Variants in ZNF629 observed in about 807,000 individuals in gnomAD.
The protein encoded by ZNF629 is zinc finger protein 629, also known as DNA-binding protein.
A neutral mutation model predicts 59.7 loss-of-function variants in ZNF629; 9 were observed. The observed-to-expected ratio is 0.15, with a 90% CI of 0.09 to 0.26. The LOEUF (loss-of-function observed/expected upper bound fraction) is 0.26. ZNF629 is among the 10% of genes least tolerant of loss of function. ZNF629 has a pLI of 1.00. For synonymous variants in ZNF629, 509 were observed against 498.9 expected (o/e 1.02, Z -0.27); for missense variants, 853 against 1,165.4 (o/e 0.73, Z 3.90).
rs745708391 is a variant in ZNF629 at position 30,782,819 on chromosome 16, G to C, written c.1509C>G (p.Thr503=). Residue 503 remains threonine (T), a synonymous_variant, in exon 3 of 3, where the codon ACC becomes ACG. Coordinates refer to ENST00000262525, the MANE Select transcript of ZNF629 (RefSeq NM_001080417.3). ...TCTCGTCCATGTGCGTGCGGACGTGGGTAATAAGGTTGGAGCTCTGGCTGA... is the reference window on the plus strand; with the variant it reads ...TCTCGTCCATGTGCGTGCGGACGTGCGTAATAAGGTTGGAGCTCTGGCTGA... ...KSFSQSSNLI[T]HVRTHMDENL... The C allele has an allele frequency of 1.2e-6, 2 of 1,613,960 alleles. No individual in the cohort carries two copies. The highest frequency in any genetic ancestry group is 2.7e-5 in the African/African-American group (2 of 74,916).
Position 30,782,229 on chromosome 16 carries a change from C to G in ZNF629, c.2099G>C (p.Gly700Ala), listed in dbSNP as rs757409086. 8 of 1,613,576 alleles carry G rather than the reference C, an allele frequency of 5.0e-6. No individual in the cohort carries two copies. The South Asian group carries it at 5.5e-5, about 11-fold the overall frequency. The change falls in exon 3 of 3, where the codon GGG becomes GCG. Residue 700 changes from glycine (G) to alanine (A), a missense_variant. Coordinates refer to ENST00000262525, the MANE Select transcript of ZNF629 (RefSeq NM_001080417.3). ...GAAGGGGCTGGGCCCTGCGCCTTCC[C>G]CTAGGCCAATTCTATAATCAGGAAA... is the stretch of plus-strand genomic sequence containing the variant. ...FLFPDYRIGL[G>A]EGAGPSPFLS...
In ZNF629 at chr16:30,781,661, G is replaced by A. The variant is rs542955264; in HGVS notation, c.*57C>T. 85 of 1,459,138 alleles carry A rather than the reference G, an allele frequency of 5.8e-5. 1 individual carries two copies. In the African/African-American group the frequency reaches 1.1e-3, roughly 18 times the overall value. 90.4% of individuals were successfully genotyped at this position (1,459,138 alleles called of 1,614,324 possible). On this transcript the variant is annotated 3_prime_UTR_variant, in exon 3 of 3. Coordinates refer to ENST00000262525, the MANE Select transcript of ZNF629 (RefSeq NM_001080417.3). Reference sequence around the variant, plus strand: ...CCTTCCCCATGTAATTTTTTTGGGGGAAAAAATCCAGTGTTCCTCTCTGGA... The same window carrying A: ...CCTTCCCCATGTAATTTTTTTGGGGAAAAAAATCCAGTGTTCCTCTCTGGA...
chr16:30,782,387 C>A lies in ZNF629; in HGVS notation c.1941G>T (p.Gln647His). The A allele has an allele frequency of 6.3e-7, 1 of 1,576,942 alleles. No individual in the cohort carries two copies. The highest frequency in any genetic ancestry group is 8.6e-7 in the Non-Finnish European group (1 of 1,161,302). The change falls in exon 3 of 3, where the codon CAG becomes CAT. Residue 647 changes from glutamine to histidine, a missense_variant. Physicochemically the swap from Gln to His is conservative, Grantham distance 24 (BLOSUM62 0). This residue lies in a region of ZNF629 where 420 missense variants were observed against 435.6 expected (regional missense o/e 0.96). Coordinates refer to ENST00000262525, the MANE Select transcript of ZNF629 (RefSeq NM_001080417.3). Reference protein sequence around the residue: ...PGQPLKPPEGQEGFSQRRGLL... With the variant: ...PGQPLKPPEGHEGFSQRRGLL... ...GCCCCCGCCTCTGGCTGAAGCCCTC[C>A]TGACCCTCCGGCGGCTTAAGGGGCT...
chr16:30,782,422 C>G lies in ZNF629; in HGVS notation c.1906G>C (p.Ala636Pro), dbSNP rs368493135. The G allele has an allele frequency of 1.3e-6, 2 of 1,566,214 alleles. No individual in the cohort carries two copies. The highest frequency in any genetic ancestry group is 2.4e-5 in the East Asian group (1 of 42,016). Reference protein sequence around the residue: ...YPGAAEGRAEAPGQPLKPPEG... With the variant: ...YPGAAEGRAEPPGQPLKPPEG... ...GGCGGCTTAAGGGGCTGTCCGGGGGCCTCCGCTCTGCCCTCCGCAGCCCCG... is the reference window on the plus strand; with the variant it reads ...GGCGGCTTAAGGGGCTGTCCGGGGGGCTCCGCTCTGCCCTCCGCAGCCCCG... Residue 636 changes from alanine to proline, a missense_variant, in exon 3 of 3, where the codon GCC becomes CCC. Physicochemically the swap from Ala to Pro is conservative, Grantham distance 27 (BLOSUM62 -1). Around this residue, in one of 3 missense-constraint regions of ZNF629, gnomAD observed 420 missense variants for 435.6 expected, o/e 0.96. Coordinates refer to ENST00000262525, the MANE Select transcript of ZNF629 (RefSeq NM_001080417.3).
chr16:30,784,525 A>T lies in ZNF629; in HGVS notation c.-33-10T>A. The T allele has an allele frequency of 2.0e-6, 3 of 1,498,888 alleles. No individual in the cohort carries two copies. The highest frequency in any genetic ancestry group is 2.7e-6 in the Non-Finnish European group (3 of 1,125,590). The allele number at this position is 1,498,888 out of a possible 1,614,324, so 92.8% of individuals were successfully genotyped here. A position where few individuals can be genotyped will look rare whatever the true frequency, so the allele number is the denominator to read the frequency against. ...CAGTGTTCCAGGGACCCTGCGGGGG[A>T]AGACAGCGATGAGCGCACACTGGGA... On this transcript the variant is annotated splice_polypyrimidine_tract_variant and intron_variant, in intron 1 of 2. Transcript: ENST00000262525.
chr16:30,778,901 G>C lies in ZNF629; in HGVS notation c.*2817C>G, dbSNP rs890496485. 21 of 152,466 alleles carry C rather than the reference G, an allele frequency of 1.4e-4. No individual in the cohort carries two copies. The highest frequency in any genetic ancestry group is 5.1e-4 in the African/African-American group (21 of 41,540). 9.4% of individuals were successfully genotyped at this position (152,466 alleles called of 1,614,324 possible). On this transcript the variant is annotated 3_prime_UTR_variant, in exon 3 of 3. Transcript: ENST00000262525. Reference sequence around the variant, plus strand: ...AGTGCCTTCCAGACTCAGTTGTGGTGAGCAAATGCTTTGACCCCTGGGCCT... The same window carrying C: ...AGTGCCTTCCAGACTCAGTTGTGGTCAGCAAATGCTTTGACCCCTGGGCCT...
Position 30,782,014 on chromosome 16 carries a change from C to T in ZNF629, c.2314G>A (p.Asp772Asn), listed in dbSNP as rs1289529831. ...PLGARPYRCS[D>N]CRASFLDRVA... ...CGGTCGAGGAAGGAGGCCCTGCAAT[C>T]TGAGCAGCGGTAGGGTCTGGCCCCC... Residue 772 changes from aspartate (D) to asparagine (N), a missense_variant, in exon 3 of 3, where the codon GAT (aspartate) becomes AAT (asparagine). Asp to Asn is a conservative substitution (Grantham distance 23). Around this residue, in one of 3 missense-constraint regions of ZNF629, gnomAD observed 420 missense variants for 435.6 expected, o/e 0.96. Transcript: ENST00000262525. The T allele has an allele frequency of 6.4e-7, 1 of 1,571,080 alleles. No homozygotes were observed. The highest frequency in any genetic ancestry group is 1.7e-4 in the Middle Eastern group (1 of 5,822).
rs781592962 is a variant in ZNF629 at position 30,782,702 on chromosome 16, T to G, written c.1626A>C (p.Pro542=). ...HRVIHERGKT[P]ARRAQGDSLL... ...GGCTGTCGCCCTGGGCCCTACGCGC[T>G]GGGGTCTTCCCCCTCTCATGGATCA... The change falls in exon 3 of 3, where the codon CCA becomes CCC. Residue 542 remains proline (P), a synonymous_variant. Transcript: ENST00000262525. 9.3e-6 allele frequency: 15 copies of G among 1,611,750 alleles called. No individual in the cohort carries two copies. Among genetic ancestry groups the G allele is most frequent in the Non-Finnish European group, 1.3e-5 (15 of 1,179,210 alleles).
At chr16:30,784,873 G>C (rs2054318620) in intron 1 of ZNF629, among the ~76,000 whole-genome samples, 2 of 152,118 alleles carry the variant, frequency 1.3e-5, no homozygotes, top group African/African-American at 2.4e-5. Context: ...TGGGAAACCT[G>C]TTATTTGCTA....
intron 1 of ZNF629, 61 bp from the exon 2 acceptor site, chr16:30,784,576 C>A: frequency 7.6e-7 from 1 of 1,308,634 alleles, no homozygotes; most frequent in Non-Finnish European, 1.0e-6. Context: ...TGCTTTATTC[C>A]CCCTGAACCT....
At position 30,783,971 on chromosome 16, in the gene ZNF629, G is replaced by A. The variant is rs1401953355; in HGVS notation, c.357C>T (p.Leu119=). Residue 119 remains leucine, a synonymous_variant, in exon 3 of 3, where the codon CTC becomes CTT. Transcript: ENST00000262525. ...CGACTGGGGGGCTGTTCCATGTGGT[G>A]AGAGCGCCCCACTGCCAGCTGGCCT... ...ACEASWQWGA[L]TTWNSPPVVP... is the part of the protein sequence containing the mutation. 1 of 1,581,456 alleles carries A rather than the reference G, an allele frequency of 6.3e-7. No homozygotes were observed. Among genetic ancestry groups the A allele is most frequent in the East Asian group, 2.3e-5 (1 of 44,206 alleles).
chr16:30,780,245 A>C lies in ZNF629; in HGVS notation c.*1473T>G, dbSNP rs1045707625. ...CTGGAGGGCTCCAGGTACCAGGGTG[A>C]AGAGGGTGATACGGCCTCTGCGGAC... On this transcript the variant is annotated 3_prime_UTR_variant, in exon 3 of 3. Coordinates refer to ENST00000262525, the MANE Select transcript of ZNF629 (RefSeq NM_001080417.3). 3.9e-5 allele frequency: 6 copies of C among 152,518 alleles called. No homozygotes were observed. Among genetic ancestry groups the C allele is most frequent in the Admixed American group, 3.3e-4 (5 of 15,274 alleles). 9.4% of individuals were successfully genotyped at this position (152,518 alleles called of 1,614,324 possible).
Position 30,781,641 on chromosome 16 carries a change from C to G in ZNF629, c.*77G>C. 2 of 1,395,672 alleles carry G rather than the reference C, an allele frequency of 1.4e-6. No individual in the cohort carries two copies. The highest frequency in any genetic ancestry group is 1.5e-5 in the South Asian group (1 of 67,080). The allele number at this position is 1,395,672 out of a possible 1,614,324, so 86.5% of individuals were successfully genotyped here. A position where few individuals can be genotyped will look rare whatever the true frequency, so the allele number is the denominator to read the frequency against. ...CATCTGATAGGGTTATCCTCCCTTCCCCATGTAATTTTTTTGGGGGAAAAA... is the reference window on the plus strand; with the variant it reads ...CATCTGATAGGGTTATCCTCCCTTCGCCATGTAATTTTTTTGGGGGAAAAA... On this transcript the variant is annotated 3_prime_UTR_variant, in exon 3 of 3. Transcript: ENST00000262525.
Position 30,783,914 on chromosome 16 carries a change from C to G in ZNF629, c.414G>C (p.Leu138=), listed in dbSNP as rs1241104235. 3.1e-6 allele frequency: 5 copies of G among 1,594,724 alleles called. No individual in the cohort carries two copies. Among genetic ancestry groups the G allele is most frequent in the Non-Finnish European group, 4.3e-6 (5 of 1,169,752 alleles). Residue 138 remains leucine, a synonymous_variant, in exon 3 of 3, where the codon CTG becomes CTC. Coordinates refer to ENST00000262525, the MANE Select transcript of ZNF629 (RefSeq NM_001080417.3). ...CCGCCCCCGCCGGGCGGCCCTGCACCAGCTCCCGCAGGCTGGGCTCGTTGG... is the reference window on the plus strand; with the variant it reads ...CCGCCCCCGCCGGGCGGCCCTGCACGAGCTCCCGCAGGCTGGGCTCGTTGG... ...VPANEPSLRE[L]VQGRPAGAEK...
chr16:30,785,487 G>A (rs920523779), intron 1 of ZNF629, among the ~76,000 whole-genome samples: 1 of 152,120 alleles, frequency 6.6e-6, no homozygotes, highest in Non-Finnish European at 1.5e-5. Flanking sequence ...AGCTCATGGG[G>A]AGCCTGCTGG....
Position 30,782,490 on chromosome 16 carries a change from T to C in ZNF629, c.1838A>G (p.Gln613Arg). ...LIAHAAPKPP[Q>R]LRSPRLPFRG... Reference sequence around the variant, plus strand: ...GAAAGGGAGCCTTGGGGATCGTAACTGAGGAGGTTTGGGGGCTGCGTGTGC... The same window carrying C: ...GAAAGGGAGCCTTGGGGATCGTAACCGAGGAGGTTTGGGGGCTGCGTGTGC... The change falls in exon 3 of 3, where the codon CAG (glutamine) becomes CGG (arginine). Residue 613 changes from glutamine (Q) to arginine (R), a missense_variant. This residue lies in a region of ZNF629 where 420 missense variants were observed against 435.6 expected (regional missense o/e 0.96). Transcript: ENST00000262525. 6.4e-7 allele frequency: 1 copy of C among 1,566,900 alleles called. No homozygotes were observed. The highest frequency in any genetic ancestry group is 1.2e-5 in the South Asian group (1 of 85,436).
At position 30,782,001 on chromosome 16, in the gene ZNF629, G is replaced by A; in HGVS notation, c.2327C>T (p.Ser776Phe). 6.4e-7 allele frequency: 1 copy of A among 1,569,030 alleles called. No individual in the cohort carries two copies. Among genetic ancestry groups the A allele is most frequent in the South Asian group, 1.2e-5 (1 of 84,806 alleles). ...GGTGAGGGCCACGCGGTCGAGGAAG[G>A]AGGCCCTGCAATCTGAGCAGCGGTA... ...RPYRCSDCRA[S>F]FLDRVALTRH... Residue 776 changes from serine to phenylalanine, a missense_variant, in exon 3 of 3, where the codon TCC becomes TTC. Transcript: ENST00000262525.
In ZNF629 at chr16:30,781,605, C is replaced by T; in HGVS notation, c.*113G>A. ...TTTTTTCCCAGGGTTCTTTCTCCTC[C>T]ACTCCACTACCATCTGATAGGGTTA... On this transcript the variant is annotated 3_prime_UTR_variant, in exon 3 of 3. Coordinates refer to ENST00000262525, the MANE Select transcript of ZNF629 (RefSeq NM_001080417.3). The T allele has an allele frequency of 1.9e-6, 2 of 1,063,190 alleles. No individual in the cohort carries two copies. The highest frequency in any genetic ancestry group is 2.5e-6 in the Non-Finnish European group (2 of 791,796). 65.9% of individuals were successfully genotyped at this position (1,063,190 alleles called of 1,614,324 possible). A position where few individuals can be genotyped will look rare whatever the true frequency, so the allele number is the denominator to read the frequency against.
In ZNF629 at chr16:30,783,430, C is replaced by T. The variant is rs769855948; in HGVS notation, c.898G>A (p.Gly300Ser). The change falls in exon 3 of 3, where the codon GGC becomes AGC. Residue 300 changes from glycine to serine, a missense_variant. Gly to Ser is a moderately conservative substitution (Grantham distance 56). Transcript: ENST00000262525. ...TGCTTGAGGAGGTTGTGGTTCTGGC[C>T]GAAGCGCTTCCCGCACTCGGGGCAC... Reference protein sequence around the residue: ...YKCPECGKRFGQNHNLLKHQK... With the variant: ...YKCPECGKRFSQNHNLLKHQK... 4 of 1,609,696 alleles carry T rather than the reference C, an allele frequency of 2.5e-6. No individual in the cohort carries two copies. Among genetic ancestry groups the T allele is most frequent in the East Asian group, 4.5e-5 (2 of 44,474 alleles).
Sources: allele counts gnomAD v4.1 joint callset (sites outside exome capture counted in the v4.1 genomes callset), GRCh38; gene constraint gnomAD v4.1.1; regional missense constraint gnomAD v4.1.1; transcripts MANE v1.5; gene names NCBI Gene and HGNC (gene_info 2026-07-23, HGNC 2026-07-21).